NSD2: variants seen among roughly 807,000 people sequenced by gnomAD.
NSD2 encodes nuclear receptor binding SET domain protein 2.
In NSD2, 12 loss-of-function variants were observed where a neutral mutation model predicts 139.0. The observed-to-expected ratio is 0.09, with a 90% CI of 0.06 to 0.14. NSD2 has a LOEUF of 0.14. Ranked by LOEUF, NSD2 falls within the 10% of genes least tolerant of loss-of-function variation. NSD2 has a pLI of 1.00. For synonymous variants in NSD2, 669 were observed against 648.7 expected (o/e 1.03, Z -0.48); for missense variants, 1,155 against 1,745.0 (o/e 0.66, Z 6.02).
At chr4:1,957,835 A>C (rs922229806) in intron 15 of NSD2, 98 bp from the exon 16 acceptor site, 3 of 1,140,440 alleles carry the variant, frequency 2.6e-6, no homozygotes, top group African/African-American at 1.5e-5. Context: ...AACTATACTT[A>C]ACATTGAAAG....
At chr4:1,957,511 C>T (rs1577542690) in intron 15 of NSD2, among the ~76,000 whole-genome samples, 2 of 149,912 alleles carry the variant, frequency 1.3e-5, no homozygotes, top group South Asian at 2.1e-4. Flanking sequence ...TGGTCTTGAA[C>T]TCCTGACCTC....
At chr4:1,968,210 T>A (rs1270276440) in intron 18 of NSD2, among the ~76,000 whole-genome samples, 3 of 152,232 alleles carry the variant, frequency 2.0e-5, no homozygotes, top group African/African-American at 7.2e-5. Context: ...GAACATTGAA[T>A]GTCAGAAGTT....
Position 1,979,041 on chromosome 4 carries a change from G to T in NSD2, c.*132G>T. ...AGGACACAGACGTACAGGCCTCCTC[G>T]GGAGGGAGCGCCTCCCCACCACTGA... On this transcript the variant is annotated 3_prime_UTR_variant, in exon 22 of 22. Transcript: ENST00000508803. 1.7e-6 allele frequency: 2 copies of T among 1,201,406 alleles called. No homozygotes were observed. Among genetic ancestry groups the T allele is most frequent in the Non-Finnish European group, 2.2e-6 (2 of 901,452 alleles). 74.4% of individuals were successfully genotyped at this position (1,201,406 alleles called of 1,614,324 possible).
In NSD2 at chr4:1,956,219, A is replaced by C. The variant is rs1287676846; in HGVS notation, c.2881+31A>C. 6.6e-7 allele frequency: 1 copy of C among 1,523,072 alleles called. No homozygotes were observed. Among genetic ancestry groups the C allele is most frequent in the Non-Finnish European group, 8.9e-7 (1 of 1,126,440 alleles). The allele number at this position is 1,523,072 out of a possible 1,614,324, so 94.3% of individuals were successfully genotyped here. A position where few individuals can be genotyped will look rare whatever the true frequency, so the allele number is the denominator to read the frequency against. Reference sequence around the variant, plus strand: ...GAGATATTCAGATAGAGAGTGAGACAGCACTCTCGTGCATTTTCTTACCCC... The same window carrying C: ...GAGATATTCAGATAGAGAGTGAGACCGCACTCTCGTGCATTTTCTTACCCC... On this transcript the variant is annotated intron_variant, in intron 15 of 21. Transcript: ENST00000508803. This position sits in a 1 kb window ranked among gnomAD's most constrained non-coding sequence, Gnocchi z 5.3.
Position 1,942,244 on chromosome 4 carries a change from G to T in NSD2, c.1881+2466G>T. On this transcript the variant is annotated intron_variant, in intron 9 of 21. Coordinates refer to ENST00000508803, the MANE Select transcript of NSD2 (RefSeq NM_001042424.3). The surrounding 1 kb of genome is among the most constrained non-coding windows in gnomAD (Gnocchi z 4.0). ...TTACACACTTGCATGACAAAGGCCTGTGAAGGAATTAATGTGATTTAAGTG... is the reference window on the plus strand; with the variant it reads ...TTACACACTTGCATGACAAAGGCCTTTGAAGGAATTAATGTGATTTAAGTG... 6.4e-7 allele frequency: 1 copy of T among 1,561,032 alleles called. No individual in the cohort carries two copies.
chr4:1,897,609 G>A (rs1465240793), intron 1 of NSD2, among the ~76,000 whole-genome samples: 3 of 152,078 alleles, frequency 2.0e-5, no homozygotes, highest in East Asian at 1.9e-4. Context: ...ACAAGATCCC[G>A]TCTCTACAAA....
intron 9 of NSD2, chr4:1,946,279 T>G (rs2108921973): frequency 1.1e-6 from 1 of 914,948 alleles, no homozygotes; most frequent in South Asian, 5.1e-5. Flanking sequence ...ATTTATTTAT[T>G]TAGAGACAGA....
At chr4:1,907,978 C>A (rs1718161857) in intron 3 of NSD2, among the ~76,000 whole-genome samples, 1 of 152,176 alleles carries the variant, frequency 6.6e-6, no homozygotes, top group Non-Finnish European at 1.5e-5. Flanking sequence ...AGAACAAGGA[C>A]AGTTTCCTTA....
At chr4:1,952,993 G>A in intron 11 of NSD2, 1 of 1,437,338 alleles carries the variant, frequency 7.0e-7, no homozygotes, top group Non-Finnish European at 9.1e-7. Context: ...CTGGCCAGCT[G>A]CTCTCAAGGA....
intron 6 of NSD2, among the ~76,000 whole-genome samples, chr4:1,931,810 A>G (rs1206628478): frequency 1.3e-5 from 2 of 152,194 alleles, no homozygotes; most frequent in Admixed American, 1.3e-4. Context: ...TAGGACTTGT[A>G]TATTTTCTTT....
chr4:1,968,401 G>A (rs148595382), intron 18 of NSD2, among the ~76,000 whole-genome samples: 1 of 152,190 alleles, frequency 6.6e-6, no homozygotes, highest in African/African-American at 2.4e-5. Flanking sequence ...GCGTGGTGAC[G>A]CCAGGGTGAG....
chr4:1,942,005 A>T lies in NSD2; in HGVS notation c.1881+2227A>T, dbSNP rs540743669. ...TTGAGGTCCACACTGACACACACCC[A>T]TTGGGTCACACCCCCTTTGCATGTT... On this transcript the variant is annotated intron_variant, in intron 9 of 21. Transcript: ENST00000508803. This position sits in a 1 kb window ranked among gnomAD's most constrained non-coding sequence, Gnocchi z 4.0. 2.5e-5 allele frequency: 28 copies of T among 1,133,006 alleles called. 1 individual carries two copies. The African/African-American group carries it at 4.1e-4, about 17-fold the overall frequency. 70.2% of individuals were successfully genotyped at this position (1,133,006 alleles called of 1,614,324 possible). A position where few individuals can be genotyped will look rare whatever the true frequency, so the allele number is the denominator to read the frequency against.
At chr4:1,938,388 CTTTTTTTCT>C (rs1722661609) in intron 7 of NSD2, 54 bp from the exon 8 acceptor site, 1 of 1,128,806 alleles carries the variant, frequency 8.9e-7, no homozygotes, top group Non-Finnish European at 1.1e-6. Flanking sequence ...TTTTTTTTTC[CTTTTTTTCT>C]TTTCTTTTTT....
chr4:1,940,960 C>T (rs958343153), intron 9 of NSD2: 35 of 1,057,364 alleles, frequency 3.3e-5, no homozygotes, highest in Middle Eastern at 4.2e-4. Context: ...CAGTGGTGGT[C>T]GAGACCTGTT....
rs1392669410 is a variant in NSD2, at chr4:1,981,263, C to T, written c.*2354C>T. ...TAACTTTGAATGTCTCTACAATACC[C>T]GTTGATAACTCAGTGGAGCCAGGCT... On this transcript the variant is annotated 3_prime_UTR_variant, in exon 22 of 22. Coordinates refer to ENST00000508803, the MANE Select transcript of NSD2 (RefSeq NM_001042424.3). 5 of 233,204 alleles carry T rather than the reference C, an allele frequency of 2.1e-5. No homozygotes were observed. The highest frequency in any genetic ancestry group is 4.2e-5 in the Non-Finnish European group (5 of 118,070). The allele number at this position is 233,204 out of a possible 1,614,324, so 14.4% of individuals were successfully genotyped here.
In NSD2 at chr4:1,942,646, A is replaced by C. The variant is rs1271320444; in HGVS notation, c.1881+2868A>C. ...ACGTTCATATTCCAGTGGTCAATGT[A>C]GATTTCAAGTTGAAAGGCAGTCCCT... is the stretch of plus-strand genomic sequence containing the variant. On this transcript the variant is annotated intron_variant, in intron 9 of 21. Transcript: ENST00000508803. This position sits in a 1 kb window ranked among gnomAD's most constrained non-coding sequence, Gnocchi z 4.0. 11 of 1,189,864 alleles carry C rather than the reference A, an allele frequency of 9.2e-6. No individual in the cohort carries two copies. The highest frequency in any genetic ancestry group is 1.1e-5 in the Non-Finnish European group (11 of 956,596). The allele number at this position is 1,189,864 out of a possible 1,614,324, so 73.7% of individuals were successfully genotyped here.
Position 1,978,868 on chromosome 4 carries a change from C to T in NSD2, c.4057C>T (p.Arg1353Trp), listed in dbSNP as rs761501519. ...GCCAGGGAAGCCGAAGGGGAAGAGGCGGCGGCGGAGGGGCTGGCGGAGAGT... is the reference window on the plus strand; with the variant it reads ...GCCAGGGAAGCCGAAGGGGAAGAGGTGGCGGCGGAGGGGCTGGCGGAGAGT... ...PEPGKPKGKR[R>W]RRRGWRRVTE... Residue 1353 changes from arginine (R) to tryptophan (W), a missense_variant, in exon 22 of 22, where the codon CGG becomes TGG. This residue lies in a region of NSD2 where 132 missense variants were observed against 94.3 expected (regional missense o/e 1.40). Coordinates refer to ENST00000508803, the MANE Select transcript of NSD2 (RefSeq NM_001042424.3). 4.8e-5 allele frequency: 77 copies of T among 1,592,320 alleles called. No homozygotes were observed. The highest frequency in any genetic ancestry group is 6.3e-5 in the Non-Finnish European group (73 of 1,166,738).
chr4:1,928,486 A>G (rs1442860627), intron 5 of NSD2, among the ~76,000 whole-genome samples: 2 of 152,188 alleles, frequency 1.3e-5, no homozygotes, highest in African/African-American at 2.4e-5. Flanking sequence ...CCATCATACC[A>G]TACAGTTTCA....
chr4:1,944,492 A>G, intron 9 of NSD2: 1 of 1,065,628 alleles, frequency 9.4e-7, no homozygotes, highest in South Asian at 4.6e-5. Context: ...CATTTGACTC[A>G]CTTCAGACCA....
Sources: gnomAD v4.1 joint callset for allele counts (sites outside exome capture counted in the v4.1 genomes callset) on GRCh38, gnomAD v4.1.1 for gene constraint, gnomAD v4.1.1 regional missense constraint, Gnocchi (gnomAD v3.1) non-coding constraint, MANE v1.5 for transcripts, NCBI Gene and HGNC (gene_info 2026-07-23, HGNC 2026-07-21) for gene names.